Variants in TMEM163 observed in about 807,000 individuals in gnomAD.
The protein encoded by TMEM163 is transmembrane protein 163.
A neutral mutation model predicts 29.3 loss-of-function variants in TMEM163; 17 were observed. The observed-to-expected ratio is 0.58, with a 90% confidence interval of 0.40 to 0.87. The LOEUF (loss-of-function observed/expected upper bound fraction) is 0.87, where lower values mean the gene tolerates loss of function less well. Among genes scored for constraint, TMEM163 ranks in the 40% least tolerant of loss-of-function variants. TMEM163 has a pLI of 0.00. For missense variants in TMEM163, 303 were observed against 381.5 expected (o/e 0.79, Z 1.71); for synonymous variants, 157 against 160.6 (o/e 0.98, Z 0.17).
intron 2 of TMEM163, among the ~76,000 whole-genome samples, chr2:134,635,485 T>A (rs1449945323): frequency 2.0e-5 from 3 of 152,182 alleles, no homozygotes; most frequent in Non-Finnish European, 4.4e-5. Context: ...CAAAATCTTC[T>A]AAGATCCTTG....
chr2:134,549,664 G>A (rs1383650032), intron 4 of TMEM163, among the ~76,000 whole-genome samples: 1 of 152,084 alleles, frequency 6.6e-6, no homozygotes, highest in Non-Finnish European at 1.5e-5. Context: ...TTTCCATCTG[G>A]ATACCACTAC....
At chr2:134,562,859 G>T (rs2104778749) in intron 2 of TMEM163, among the ~76,000 whole-genome samples, 1 of 152,188 alleles carries the variant, frequency 6.6e-6, no homozygotes, top group Admixed American at 6.5e-5. Flanking sequence ...TCCAGAAAAT[G>T]GCCAACCCCC....
chr2:134,552,152 TAATAC>T (rs1318141868), intron 2 of TMEM163, 61 bp from the exon 3 acceptor site: 1 of 1,359,880 alleles, frequency 7.4e-7, no homozygotes, highest in Non-Finnish European at 1.0e-6. Context: ...TTGAGTATAT[TAATAC>T]ATTACATGGC....
chr2:134,571,073 A>G (rs1445288537), intron 2 of TMEM163, among the ~76,000 whole-genome samples: 1 of 152,026 alleles, frequency 6.6e-6, no homozygotes, highest in African/African-American at 2.4e-5. Flanking sequence ...GTACTACCCC[A>G]CTCATCTTGG....
chr2:134,483,778 T>C (rs1279692349), intron 5 of TMEM163, among the ~76,000 whole-genome samples: 1 of 152,142 alleles, frequency 6.6e-6, no homozygotes, highest in African/African-American at 2.4e-5. Context: ...TAAAACATTG[T>C]CTGATGGCCC....
intron 2 of TMEM163, among the ~76,000 whole-genome samples, chr2:134,553,744 C>T (rs999326921): frequency 1.3e-5 from 2 of 152,224 alleles, no homozygotes; most frequent in East Asian, 3.9e-4. Context: ...GCAGAGCCAG[C>T]TGTGCATGGT....
intron 2 of TMEM163, among the ~76,000 whole-genome samples, chr2:134,632,277 C>T (rs1295681446): frequency 2.6e-5 from 4 of 152,168 alleles, no homozygotes; most frequent in Admixed American, 2.0e-4. Flanking sequence ...GAAGGGAAGG[C>T]TTTGTGTGCC....
chr2:134,523,039 C>T (rs1680220359), intron 4 of TMEM163, among the ~76,000 whole-genome samples: 1 of 152,234 alleles, frequency 6.6e-6, no homozygotes, highest in South Asian at 2.1e-4. Context: ...CACGACTCCA[C>T]ATTCAATCTG....
intron 2 of TMEM163, among the ~76,000 whole-genome samples, chr2:134,565,443 T>C (rs1199911131): frequency 6.6e-6 from 1 of 151,844 alleles, no homozygotes; most frequent in African/African-American, 2.4e-5. Context: ...TCGTCTCTAC[T>C]GAAAATACAA....
chr2:134,636,460 A>T (rs995956664), intron 2 of TMEM163, among the ~76,000 whole-genome samples: 1 of 152,242 alleles, frequency 6.6e-6, no homozygotes, highest in Admixed American at 6.5e-5. Context: ...TTGCAAAATT[A>T]TAACTGAGAC....
At chr2:134,459,719 T>A (rs909235526) in intron 6 of TMEM163, among the ~76,000 whole-genome samples, 1 of 151,592 alleles carries the variant, frequency 6.6e-6, no homozygotes, top group Non-Finnish European at 1.5e-5. Context: ...CCCCTTTTGG[T>A]GGGGGTCAAT....
Position 134,650,508 on chromosome 2 carries a change from T to TTG in TMEM163, c.322+62691_322+62692insCA, listed in dbSNP as rs1683446656. On this transcript the variant is annotated intron_variant, in intron 2 of 7. Coordinates refer to ENST00000281924, the MANE Select transcript of TMEM163 (RefSeq NM_030923.5). The stretch of plus-strand genomic sequence containing the variant: ...TATTTGGATGCCTTCTATTTCTTTT[T>TTG]TTTGTTTGTTTGTTTGTTTGTTTGT... 4.4e-5 allele frequency among the ~76,000 whole-genome samples: 6 copies of TTG among 135,434 alleles called. No individual in the cohort carries two copies. The South Asian group carries it at 1.5e-3, about 33-fold the overall frequency. 88.8% of individuals were successfully genotyped at this position (135,434 alleles called of 152,430 possible).
chr2:134,649,710 T>C (rs1392192076), intron 2 of TMEM163, among the ~76,000 whole-genome samples: 1 of 152,142 alleles, frequency 6.6e-6, no homozygotes, highest in Non-Finnish European at 1.5e-5. Context: ...GGTATCTCTA[T>C]AGAACATTAT....
intron 2 of TMEM163, among the ~76,000 whole-genome samples, chr2:134,684,098 C>G (rs1264589489): frequency 6.6e-6 from 1 of 152,122 alleles, no homozygotes; most frequent in African/African-American, 2.4e-5. Context: ...GTACTATTAT[C>G]TTGCTTTACT....
intron 4 of TMEM163, among the ~76,000 whole-genome samples, chr2:134,518,941 G>A (rs1274328538): frequency 1.3e-5 from 2 of 152,048 alleles, no homozygotes; most frequent in Non-Finnish European, 2.9e-5. Flanking sequence ...AAGACAATTG[G>A]GAGATAACAC....
intron 4 of TMEM163, 107 bp downstream of exon 4, chr2:134,550,463 C>A (rs1465423838): frequency 9.4e-7 from 1 of 1,061,870 alleles, no homozygotes; most frequent in Non-Finnish European, 1.4e-6. Flanking sequence ...GGACCTTCTT[C>A]TCATCACTGG....
At chr2:134,468,769 TGCA>T (rs1171141516) in intron 5 of TMEM163, 1 of 152,206 alleles carries the variant, frequency 6.6e-6, no homozygotes, top group Non-Finnish European at 1.5e-5. Context: ...CACCCTGAGA[TGCA>T]GCTCAAGAAA....
chr2:134,525,893 A>G (rs1022162267), intron 4 of TMEM163, among the ~76,000 whole-genome samples: 3 of 152,216 alleles, frequency 2.0e-5, no homozygotes, highest in Non-Finnish European at 4.4e-5. Context: ...TTGGGTTAAG[A>G]TAAGTTAGGT....
chr2:134,545,275 C>G (rs907265067), intron 4 of TMEM163, among the ~76,000 whole-genome samples: 4 of 152,164 alleles, frequency 2.6e-5, no homozygotes, highest in Non-Finnish European at 5.9e-5. Context: ...GAGGCTGGCT[C>G]CCTTCTCTCC....
Sources: allele counts gnomAD v4.1 joint callset (sites outside exome capture counted in the v4.1 genomes callset), GRCh38; gene constraint gnomAD v4.1.1; transcripts MANE v1.5; gene names NCBI Gene and HGNC (gene_info 2026-07-23, HGNC 2026-07-21).